Variants in RUNX1T1 observed in about 807,000 individuals in gnomAD.
The protein encoded by RUNX1T1 is RUNX1 partner transcriptional co-repressor 1, also known as protein CBFA2T1.
A neutral mutation model predicts 62.8 loss-of-function variants in RUNX1T1; 4 were observed. The ratio of observed to expected loss-of-function variants is 0.06; its 90% confidence interval spans 0.03 to 0.15. The LOEUF (loss-of-function observed/expected upper bound fraction) is 0.15. Ranked by LOEUF, RUNX1T1 falls within the 10% of genes least tolerant of loss-of-function variation. The pLI is 1.00. For synonymous variants in RUNX1T1, 291 were observed against 286.0 expected (o/e 1.02, Z -0.18); for missense variants, 508 against 754.3 (o/e 0.67, Z 3.82).
At chr8:92,102,805 G>T, upstream of RUNX1T1, 1 of 1,481,400 alleles carries the variant, frequency 6.8e-7, no homozygotes, top group Non-Finnish European at 8.9e-7. This position sits in a 1 kb window ranked among gnomAD's most constrained non-coding sequence, Gnocchi z 4.5. Flanking sequence ...TAACAGTCAG[G>T]GGCCCGACCC....
chr8:92,051,576 A>ACT (rs936774579), intron 1 of RUNX1T1, among the ~76,000 whole-genome samples: 7 of 147,366 alleles, frequency 4.8e-5, no homozygotes, highest in Non-Finnish European at 6.0e-5. Context: ...ACATACACAC[A>ACT]CTCTCTCTCT....
At chr8:91,999,601 T>C (rs1819375489) in intron 5 of RUNX1T1, among the ~76,000 whole-genome samples, 1 of 152,176 alleles carries the variant, frequency 6.6e-6, no homozygotes, top group African/African-American at 2.4e-5. Flanking sequence ...CATTAGGGCT[T>C]CTGACAAGCC....
rs538251214 is a variant in RUNX1T1, at chr8:92,078,375, T to A, written c.-85-2238A>T. 2.6e-5 allele frequency among the ~76,000 whole-genome samples: 4 copies of A among 152,194 alleles called. No homozygotes were observed. In the East Asian group the frequency reaches 5.8e-4, roughly 22 times the overall value. ...TTCTGAGACCTATTCCGCACTGAAGTCTGTCACATGGAAGTGATAATAAAA... is the reference window on the plus strand; with the variant it reads ...TTCTGAGACCTATTCCGCACTGAAGACTGTCACATGGAAGTGATAATAAAA... On this transcript the variant is annotated intron_variant, in intron 1 of 11. Transcript: ENST00000265814.
chr8:92,030,231 C>T (rs1480909592), intron 1 of RUNX1T1, among the ~76,000 whole-genome samples: 1 of 152,100 alleles, frequency 6.6e-6, no homozygotes, highest in Admixed American at 6.5e-5. Flanking sequence ...ATCGTACTAC[C>T]TAATCTGTTT....
chr8:91,990,175 A>C (rs1817372232), intron 6 of RUNX1T1, among the ~76,000 whole-genome samples: 1 of 152,194 alleles, frequency 6.6e-6, no homozygotes, highest in African/African-American at 2.4e-5. Context: ...CTGTGGCAAA[A>C]AAACAAAAAA....
intron 1 of RUNX1T1, among the ~76,000 whole-genome samples, chr8:92,098,699 T>C (rs894303329): frequency 6.6e-6 from 1 of 152,212 alleles, no homozygotes; most frequent in Non-Finnish European, 1.5e-5. Flanking sequence ...AAAACGCATT[T>C]ACAATAAAAT....
chr8:92,087,888 C>T (rs1192860307), intron 1 of RUNX1T1, among the ~76,000 whole-genome samples: 24 of 152,168 alleles, frequency 1.6e-4, no homozygotes, highest in Admixed American at 1.6e-3. Context: ...TTTATACCTG[C>T]TCTCTCGAGC....
chr8:92,060,849 C>G (rs767543388), intron 1 of RUNX1T1, among the ~76,000 whole-genome samples: 7 of 152,044 alleles, frequency 4.6e-5, no homozygotes, highest in Non-Finnish European at 7.4e-5. Context: ...TATCGCCATT[C>G]TGGCACATGC....
intron 8 of RUNX1T1, among the ~76,000 whole-genome samples, chr8:91,984,442 G>A (rs900671312): frequency 3.9e-5 from 6 of 152,114 alleles, no homozygotes; most frequent in African/African-American, 1.4e-4. Flanking sequence ...GCTATCCTAT[G>A]GCTTGAACAC....
intron 1 of RUNX1T1, among the ~76,000 whole-genome samples, chr8:92,094,187 G>C (rs1244137067): frequency 1.3e-5 from 2 of 152,106 alleles, no homozygotes; most frequent in African/African-American, 4.8e-5. Flanking sequence ...TTACCCAATC[G>C]ATCTGCTGCT....
chr8:92,023,481 G>A (rs1462222988), intron 1 of RUNX1T1, among the ~76,000 whole-genome samples: 1 of 152,112 alleles, frequency 6.6e-6, no homozygotes, highest in Admixed American at 6.6e-5. Context: ...AAGAATGTCT[G>A]CATGTCCATT....
rs191767626 is a variant in RUNX1T1, at chr8:92,082,813, G to A, written c.-85-6676C>T. 9.9e-5 allele frequency among the ~76,000 whole-genome samples: 15 copies of A among 152,204 alleles called. No individual in the cohort carries two copies. In the East Asian group the frequency reaches 2.1e-3, roughly 22 times the overall value. Reference sequence around the variant, plus strand: ...ACCAGACTGGATGGGAAGGAATGTCGGGGGAAGGGTCCTGGAGGAAGAGTA... The same window carrying A: ...ACCAGACTGGATGGGAAGGAATGTCAGGGGAAGGGTCCTGGAGGAAGAGTA... On this transcript the variant is annotated intron_variant, in intron 1 of 11. Coordinates refer to the RUNX1T1 transcript ENST00000265814.
chr8:91,987,049 A>T (rs760422372), intron 6 of RUNX1T1, 77 bp from the exon 8 acceptor site: 102 of 922,424 alleles, frequency 1.1e-4, no homozygotes, highest in Non-Finnish European at 1.7e-4. Context: ...CATAGCAAGG[A>T]CTATGTGGGC....
At chr8:92,063,955 CTCTTGCTAT>C (rs2130636441), upstream of RUNX1T1, among the ~76,000 whole-genome samples, 1 of 152,320 alleles carries the variant, frequency 6.6e-6, no homozygotes, top group South Asian at 2.1e-4. Flanking sequence ...TTCCCGTTAA[CTCTTGCTAT>C]TCCTTCAGTC....
chr8:92,082,985 C>T (rs1390917013), intron 1 of RUNX1T1, among the ~76,000 whole-genome samples: 2 of 152,148 alleles, frequency 1.3e-5, no homozygotes, highest in African/African-American at 2.4e-5. Flanking sequence ...CTGGAAGCCA[C>T]TACAATGGTT....
chr8:91,991,509 C>T (rs774269372), intron 6 of RUNX1T1, 130 bp downstream of exon 7: 12 of 1,005,216 alleles, frequency 1.2e-5, no homozygotes, highest in African/African-American at 1.6e-5. Context: ...ATAAAGGAGA[C>T]AATATAAAGC....
At chr8:91,972,531 T>C (rs992293532) in intron 9 of RUNX1T1, among the ~76,000 whole-genome samples, 7 of 152,228 alleles carry the variant, frequency 4.6e-5, no homozygotes, top group Admixed American at 1.3e-4. Context: ...AAGATGCCTT[T>C]ATTATCCTAT....
At position 92,017,404 on chromosome 8, in the gene RUNX1T1, G is replaced by T; in HGVS notation, c.8-41C>A. The T allele has an allele frequency of 6.2e-7, 1 of 1,613,838 alleles. No homozygotes were observed. Among genetic ancestry groups the T allele is most frequent in the Non-Finnish European group, 8.5e-7 (1 of 1,179,908 alleles). ...AGGAACATATTATTTTACTCCTTAA[G>T]CACCTCAGTTTTTCAAGTGGGGTTT... On this transcript the variant is annotated intron_variant, in intron 1 of 10. Transcript: ENST00000396218.
chr8:91,988,915 AAAT>A (rs1416009090), intron 6 of RUNX1T1, among the ~76,000 whole-genome samples: 3 of 152,172 alleles, frequency 2.0e-5, no homozygotes, highest in Admixed American at 1.3e-4. Flanking sequence ...TAAAAATAAA[AAAT>A]AAATCAAGAT....
Sources: allele counts gnomAD v4.1 joint callset (sites outside exome capture counted in the v4.1 genomes callset), GRCh38; gene constraint gnomAD v4.1.1; non-coding constraint Gnocchi (gnomAD v3.1); transcripts MANE v1.5; gene names NCBI Gene and HGNC (gene_info 2026-07-23, HGNC 2026-07-21).